The following SLC38A8 variants were observed in gnomAD, a reference collection of about 807,000 sequenced individuals.
The protein encoded by SLC38A8 is solute carrier family 38 member 8.
SLC38A8 carries 65 observed loss-of-function variants against 46.0 expected under a neutral mutation model. That is an observed-to-expected ratio of 1.41 (90% CI 1.16 to 1.74). SLC38A8 has a LOEUF of 1.74. Ranked by LOEUF, SLC38A8 falls within the 40% of genes most tolerant of loss-of-function variation. The pLI, the probability that SLC38A8 is intolerant of heterozygous loss-of-function variation, is 0.00. For missense variants in SLC38A8, 998 were observed against 567.9 expected (o/e 1.76, Z -7.70); for synonymous variants, 447 against 243.7 (o/e 1.83, Z -7.77).
chr16:84,028,439 G>A (rs1484181515), intron 6 of SLC38A8, among the ~76,000 whole-genome samples: 1 of 151,924 alleles, frequency 6.6e-6, no homozygotes, highest in African/African-American at 2.4e-5. Flanking sequence ...AAAAAAATTA[G>A]CCAGGCATGG....
chr16:84,030,573 G>A (rs1027566518), intron 5 of SLC38A8, among the ~76,000 whole-genome samples: 3 of 152,006 alleles, frequency 2.0e-5, no homozygotes, highest in African/African-American at 7.2e-5. Context: ...GTTCCAGCCT[G>A]AGCTGCTCCC....
Position 84,029,516 on chromosome 16 carries a change from G to C in SLC38A8, c.668C>G (p.Pro223Arg). Residue 223 changes from proline to arginine, a missense_variant, in exon 6 of 11, where the codon CCC (proline) becomes CGC (arginine). Transcript: ENST00000299709. Reference protein sequence around the residue: ...ASWTSVFSVFPTICFGFQCHE... With the variant: ...ASWTSVFSVFRTICFGFQCHE... The stretch of plus-strand genomic sequence containing the variant: ...TACCTGAAACCCGAAGCAGATGGTG[G>C]GGAAGACACTGAACACAGAGGTCCA... 2 of 1,614,088 alleles carry C rather than the reference G, an allele frequency of 1.2e-6. No individual in the cohort carries two copies. The highest frequency in any genetic ancestry group is 1.7e-6 in the Non-Finnish European group (2 of 1,179,984).
Position 84,029,506 on chromosome 16 carries a change from G to A in SLC38A8, c.678C>T (p.Cys226=), listed in dbSNP as rs137921368. The A allele has an allele frequency of 1.5e-4, 250 of 1,614,116 alleles. 2 individuals carry two copies. The African/African-American group carries it at 2.9e-3, about 19-fold the overall frequency. The change falls in exon 6 of 11, where the codon TGC becomes TGT. Residue 226 remains cysteine, a synonymous_variant. Transcript: ENST00000299709. ...TSVFSVFPTI[C]FGFQCHEAAV... ...ATGCTAAAATTACCTGAAACCCGAA[G>A]CAGATGGTGGGGAAGACACTGAACA...
At chr16:84,023,715 A>C (rs998800125) in intron 6 of SLC38A8, among the ~76,000 whole-genome samples, 1 of 152,120 alleles carries the variant, frequency 6.6e-6, no homozygotes, top group Admixed American at 6.5e-5. Flanking sequence ...CCAACATGGC[A>C]AAATTCCATC....
At chr16:84,032,160 A>G (rs1406070682) in intron 4 of SLC38A8, among the ~76,000 whole-genome samples, 192 bp from the exon 5 acceptor site, 3 of 140,146 alleles carry the variant, frequency 2.1e-5, no homozygotes, top group Non-Finnish European at 3.1e-5. Flanking sequence ...TCAAGGGGTC[A>G]GATGTAGAGT....
At position 84,016,684 on chromosome 16, in the gene SLC38A8, AT is replaced by A; in HGVS notation, c.996del (p.Trp333GlyfsTer18). The A allele has an allele frequency of 6.2e-7, 1 of 1,613,442 alleles. No individual in the cohort carries two copies. Among genetic ancestry groups the A allele is most frequent in the African/African-American group, 1.3e-5 (1 of 75,040 alleles). ...GGGTCGGCCAGGGCGCTGGGCCCCC[AT>A]CCCCCCAAGCAGCTCCTCCTCCAGA... The part of the protein sequence containing the change: ...QDFWRRSCLG[G>X]WGPSALADPS... On this transcript the variant is annotated frameshift_variant, in exon 9 of 11. Coordinates refer to ENST00000299709, the MANE Select transcript of SLC38A8 (RefSeq NM_001080442.3). LOFTEE classifies it high-confidence loss of function.
chr16:84,043,198 G>T (rs1008260513), upstream of SLC38A8, among the ~76,000 whole-genome samples: 4 of 152,304 alleles, frequency 2.6e-5, no homozygotes, highest in East Asian at 5.8e-4. Context: ...TGAACGCTTG[G>T]GGGAGGCGGC....
At chr16:84,020,052 G>C (rs374228516) in intron 7 of SLC38A8, among the ~76,000 whole-genome samples, 1 of 152,198 alleles carries the variant, frequency 6.6e-6, no homozygotes, top group African/African-American at 2.4e-5. Context: ...TGTAGTCCCA[G>C]TGGCAGTCCC....
rs145339110 is a variant in SLC38A8 at position 84,040,194 on chromosome 16, C to A, written c.189+1775G>T. Among the ~76,000 whole-genome samples the A allele has an allele frequency of 2.7e-3, 405 of 152,320 alleles. 2 individuals carry two copies. Among genetic ancestry groups the A allele is most frequent in the Non-Finnish European group, 3.8e-3 (258 of 68,020 alleles). The stretch of plus-strand genomic sequence containing the variant: ...AATCTTCCATCATTCACAGTGACAT[C>A]ACTCCAGCCCCAACTCCATCTCCCC... On this transcript the variant is annotated intron_variant, in intron 2 of 10. Coordinates refer to ENST00000299709, the MANE Select transcript of SLC38A8 (RefSeq NM_001080442.3).
chr16:84,022,781 G>C lies in SLC38A8; in HGVS notation c.799C>G (p.Leu267Val). The C allele has an allele frequency of 1.2e-6, 2 of 1,613,996 alleles. No individual in the cohort carries two copies. The highest frequency in any genetic ancestry group is 2.2e-5 in the South Asian group (2 of 91,074). Residue 267 changes from leucine (L) to valine (V), a missense_variant, in exon 7 of 11, where the codon CTG (leucine) becomes GTG (valine). Physicochemically the swap from Leu to Val is conservative, Grantham distance 32 (BLOSUM62 1). Transcript: ENST00000299709. Reference sequence around the variant, plus strand: ...TGCCTGGGAAGGGCCTTACCCGTCAGTGAATAGATGAGGCAGCAGGCCAGC... The same window carrying C: ...TGCCTGGGAAGGGCCTTACCCGTCACTGAATAGATGAGGCAGCAGGCCAGC... ...SLLACCLIYS[L>V]TGVYGFLTFG...
At position 84,016,904 on chromosome 16, in the gene SLC38A8, C is replaced by T. The variant is rs1424540796; in HGVS notation, c.954-177G>A. On this transcript the variant is annotated intron_variant, in intron 8 of 10. Transcript: ENST00000299709. ...CCTCAGGGGTTCTGCCACCATCGGGCAGCCCATGGGGCAGGGGATGAAGCA... is the reference window on the plus strand; with the variant it reads ...CCTCAGGGGTTCTGCCACCATCGGGTAGCCCATGGGGCAGGGGATGAAGCA... 4 of 978,862 alleles carry T rather than the reference C, an allele frequency of 4.1e-6. No homozygotes were observed. In the Admixed American group the frequency reaches 8.6e-5, roughly 21 times the overall value. The allele number at this position is 978,862 out of a possible 1,614,324, so 60.6% of individuals were successfully genotyped here.
intron 7 of SLC38A8, among the ~76,000 whole-genome samples, chr16:84,019,060 G>A (rs1367256414): frequency 6.6e-6 from 1 of 151,922 alleles, no homozygotes; most frequent in Admixed American, 6.6e-5. Context: ...AGCTCTTACT[G>A]AAACTACAAT....
At chr16:84,023,351 C>T (rs9783761) in intron 6 of SLC38A8, among the ~76,000 whole-genome samples, 41,780 of 152,024 alleles carry the variant, frequency 0.27, 6,709 homozygotes, top group African/African-American at 0.44. Context: ...TACTCCTTTG[C>T]TCGGGTGTGC....
intron 5 of SLC38A8, among the ~76,000 whole-genome samples, chr16:84,029,846 G>A (rs1448224723): frequency 6.6e-6 from 1 of 152,228 alleles, no homozygotes; most frequent in African/African-American, 2.4e-5. Context: ...CTTGAAGGCT[G>A]CTGGCTCCCA....
chr16:84,037,806 A>ATTCTTTTTT, intron 2 of SLC38A8, among the ~76,000 whole-genome samples: 1 of 102,246 alleles, frequency 9.8e-6, no homozygotes, highest in Non-Finnish European at 1.8e-5. Context: ...TTCAGCTTCA[A>ATTCTTTTTT]TTTTTTTTTT....
At chr16:84,027,618 G>A (rs945881089) in intron 6 of SLC38A8, among the ~76,000 whole-genome samples, 3 of 152,064 alleles carry the variant, frequency 2.0e-5, no homozygotes, top group African/African-American at 7.2e-5. Context: ...AGCACCTTCA[G>A]TTACATTTAT....
chr16:84,030,243 G>A (rs2085222178), intron 5 of SLC38A8, among the ~76,000 whole-genome samples: 1 of 152,162 alleles, frequency 6.6e-6, no homozygotes. Context: ...GGAAAGATCT[G>A]CCCCTGGAGT....
At chr16:84,015,663 G>C (rs1378355893) in intron 9 of SLC38A8, among the ~76,000 whole-genome samples, 3 of 152,076 alleles carry the variant, frequency 2.0e-5, no homozygotes, top group East Asian at 1.9e-4. Context: ...AGCTGTATTA[G>C]TCTGCTCTCA....
intron 3 of SLC38A8, among the ~76,000 whole-genome samples, chr16:84,034,035 G>C (rs1206734222): frequency 6.6e-6 from 1 of 152,182 alleles, no homozygotes; most frequent in African/African-American, 2.4e-5. Context: ...GAGGTTGCTT[G>C]GGGGGTCTCT....
Sources: gnomAD v4.1 joint callset for allele counts (sites outside exome capture counted in the v4.1 genomes callset) on GRCh38, gnomAD v4.1.1 for gene constraint, MANE v1.5 for transcripts, NCBI Gene and HGNC (gene_info 2026-07-23, HGNC 2026-07-21) for gene names.